The following SS18L1 variants were observed in gnomAD, a reference collection of about 807,000 sequenced individuals.
SS18L1 encodes the protein SS18L1 subunit of BAF chromatin remodeling complex, also known as calcium-responsive transactivator.
Under a neutral mutation model 70.3 loss-of-function variants are expected in SS18L1, and 32 were observed. The observed-to-expected ratio is 0.46, with a 90% CI of 0.34 to 0.61. SS18L1 has a LOEUF of 0.61. SS18L1 is among the 20% of genes least tolerant of loss of function. SS18L1 has a pLI of 0.01. For synonymous variants in SS18L1, 237 were observed against 229.7 expected (o/e 1.03, Z -0.29); for missense variants, 430 against 542.1 (o/e 0.79, Z 2.05).
At chr20:62,168,853 A>C (rs6062103) in intron 8 of SS18L1, among the ~76,000 whole-genome samples, 26,358 of 152,174 alleles carry the variant, frequency 0.17, 3,300 homozygotes, top group African/African-American at 0.35. Flanking sequence ...GTCATCCCAC[A>C]GCAGGATGAG....
chr20:62,168,262 T>C (rs139186932), intron 8 of SS18L1, among the ~76,000 whole-genome samples: 32 of 152,312 alleles, frequency 2.1e-4, no homozygotes, highest in African/African-American at 7.2e-4. Flanking sequence ...AGAAGCATTT[T>C]ATTCCATCTG....
chr20:62,171,437 A>G (rs1472595792), intron 8 of SS18L1, among the ~76,000 whole-genome samples: 3 of 152,168 alleles, frequency 2.0e-5, no homozygotes, highest in Non-Finnish European at 2.9e-5. Flanking sequence ...TGGAAGTTCA[A>G]GACTCAAGAT....
intron 1 of SS18L1, among the ~76,000 whole-genome samples, chr20:62,154,677 T>G (rs964067814): frequency 2.0e-5 from 3 of 152,194 alleles, no homozygotes; most frequent in African/African-American, 7.2e-5. Context: ...GAACCTGGTT[T>G]TTCTCTCCTG....
At chr20:62,163,015 G>T in intron 5 of SS18L1, 84 bp downstream of exon 5, 1 of 1,519,100 alleles carries the variant, frequency 6.6e-7, no homozygotes, top group Non-Finnish European at 8.9e-7. Flanking sequence ...ATGTGGTCCC[G>T]GGGAAGCTGC....
At chr20:62,178,013 G>A (rs1282896811) in intron 10 of SS18L1, among the ~76,000 whole-genome samples, 1 of 128,228 alleles carries the variant, frequency 7.8e-6, no homozygotes, top group Non-Finnish European at 1.6e-5. Context: ...CACTGTGCCT[G>A]GCCTTTTTTT....
At chr20:62,172,938 C>T in intron 9 of SS18L1, 137 bp downstream of exon 9, 1 of 1,504,842 alleles carries the variant, frequency 6.6e-7, no homozygotes, top group Non-Finnish European at 8.9e-7. Context: ...GAGCACGCTC[C>T]TCGGGGCCCC....
At position 62,181,164 on chromosome 20, in the gene SS18L1, G is replaced by A. The variant is rs1374775803; in HGVS notation, c.*1956G>A. ...CGGATGTCACGCACAAATGGGGAGA[G>A]AAGTGTTTATTTTGTAGGCACTAAG... On this transcript the variant is annotated 3_prime_UTR_variant, in exon 11 of 11. Coordinates refer to ENST00000331758, the MANE Select transcript of SS18L1 (RefSeq NM_198935.3). 5.1e-6 allele frequency: 1 copy of A among 195,530 alleles called. No individual in the cohort carries two copies. The highest frequency in any genetic ancestry group is 1.9e-4 in the South Asian group (1 of 5,200). 12.1% of individuals were successfully genotyped at this position (195,530 alleles called of 1,614,324 possible). A position where few individuals can be genotyped will look rare whatever the true frequency, so the allele number is the denominator to read the frequency against.
intron 5 of SS18L1, 74 bp downstream of exon 5, chr20:62,163,005 A>G (rs2057359546): frequency 1.3e-6 from 2 of 1,548,080 alleles, no homozygotes; most frequent in African/African-American, 1.4e-5. Flanking sequence ...CACGTTGGAC[A>G]TGTGGTCCCG....
chr20:62,151,400 G>A (rs534069687), intron 1 of SS18L1, among the ~76,000 whole-genome samples: 3 of 152,332 alleles, frequency 2.0e-5, no homozygotes, highest in South Asian at 2.1e-4. Context: ...CCATTGCCAT[G>A]GCCGTGGCTT....
Position 62,158,626 on chromosome 20 carries a change from AGCGACAGCCCC to A in SS18L1, c.70-42_70-32del, listed in dbSNP as rs779197745. ...GCGATGGCTGTTCATCCCGAGGGTCAGCGACAGCCCCGCGTCGGCAGCGCCCGCTCACGCTC... is the reference window on the plus strand; with the variant it reads ...GCGATGGCTGTTCATCCCGAGGGTCAGCGTCGGCAGCGCCCGCTCACGCTC... On this transcript the variant is annotated intron_variant, in intron 1 of 10. Coordinates refer to ENST00000331758, the MANE Select transcript of SS18L1 (RefSeq NM_198935.3). This position sits in a 1 kb window ranked among gnomAD's most constrained non-coding sequence, Gnocchi z 4.5. The A allele has an allele frequency of 6.2e-7, 1 of 1,602,248 alleles. No homozygotes were observed. The highest frequency in any genetic ancestry group is 8.5e-7 in the Non-Finnish European group (1 of 1,176,454).
intron 7 of SS18L1, 73 bp downstream of exon 7, chr20:62,164,319 CAAGGAGGGT>C (rs1478192557): frequency 9.1e-6 from 11 of 1,209,254 alleles, no homozygotes; most frequent in South Asian, 4.7e-5. Flanking sequence ...GCAAGGAGGG[CAAGGAGGGT>C]GTGGCCACTG....
intron 1 of SS18L1, among the ~76,000 whole-genome samples, chr20:62,146,626 T>TTTTTTTA (rs2057032959): frequency 1.4e-5 from 2 of 145,910 alleles, no homozygotes; most frequent in Non-Finnish European, 3.0e-5. Flanking sequence ...TTTTTTTTTT[T>TTTTTTTA]GAGATGGAGT....
intron 1 of SS18L1, among the ~76,000 whole-genome samples, chr20:62,150,792 C>T (rs1345143591): frequency 6.6e-6 from 1 of 151,484 alleles, no homozygotes; most frequent in East Asian, 1.9e-4. Flanking sequence ...AGAGGACAGT[C>T]TCCAAGATGT....
At chr20:62,162,715 C>T (rs779360882) in intron 4 of SS18L1, 37 bp from the exon 5 acceptor site, 26 of 1,574,896 alleles carry the variant, frequency 1.7e-5, no homozygotes, top group Non-Finnish European at 2.2e-5. Context: ...GACCTGGCTC[C>T]CCAGTGCCTG....
chr20:62,163,449 G>T lies in SS18L1; in HGVS notation c.557-9G>T. 1 of 1,611,932 alleles carries T rather than the reference G, an allele frequency of 6.2e-7. No individual in the cohort carries two copies. On this transcript the variant is annotated splice_polypyrimidine_tract_variant and intron_variant, in intron 5 of 10. Coordinates refer to ENST00000331758, the MANE Select transcript of SS18L1 (RefSeq NM_198935.3). Reference sequence around the variant, plus strand: ...CGGGGTGATGTGGGGCCTCTGTCCTGTCGTTCAGTCTCCATGATGCAGCAG... The same window carrying T: ...CGGGGTGATGTGGGGCCTCTGTCCTTTCGTTCAGTCTCCATGATGCAGCAG...
chr20:62,178,682 G>C (rs750944470), intron 10 of SS18L1, among the ~76,000 whole-genome samples: 19 of 152,152 alleles, frequency 1.2e-4, no homozygotes, highest in Non-Finnish European at 4.4e-5. Flanking sequence ...AAGTATCTGG[G>C]ACTATTGGCA....
At position 62,151,433 on chromosome 20, in the gene SS18L1, C is replaced by T. The variant is rs1395189336; in HGVS notation, c.70-7239C>T. ...CTTCCGTGCCCCTTGGGTTTGTCTC[C>T]CTGTGGGTGCTGGGCTTGGCCCTGG... is the stretch of plus-strand genomic sequence containing the variant. On this transcript the variant is annotated intron_variant, in intron 1 of 10. Coordinates refer to ENST00000331758, the MANE Select transcript of SS18L1 (RefSeq NM_198935.3). 2.0e-5 allele frequency among the ~76,000 whole-genome samples: 3 copies of T among 152,336 alleles called. No individual in the cohort carries two copies. The East Asian group carries it at 5.8e-4, about 29-fold the overall frequency.
intron 1 of SS18L1, among the ~76,000 whole-genome samples, chr20:62,155,441 G>A (rs1048255656): frequency 2.0e-5 from 3 of 152,168 alleles, no homozygotes; most frequent in Non-Finnish European, 2.9e-5. Context: ...AAAAGTCTCC[G>A]TCTTGCATAA....
At chr20:62,146,946 A>G (rs893140522) in intron 1 of SS18L1, among the ~76,000 whole-genome samples, 1 of 152,036 alleles carries the variant, frequency 6.6e-6, no homozygotes, top group Admixed American at 6.6e-5. Flanking sequence ...ACTTTTTATA[A>G]GGACTCTAGT....
Sources: gnomAD v4.1 joint callset for allele counts (sites outside exome capture counted in the v4.1 genomes callset) on GRCh38, gnomAD v4.1.1 for gene constraint, Gnocchi (gnomAD v3.1) non-coding constraint, MANE v1.5 for transcripts, NCBI Gene and HGNC (gene_info 2026-07-23, HGNC 2026-07-21) for gene names.